The following CBLB variants were observed in gnomAD, a reference collection of about 807,000 sequenced individuals.
The protein encoded by CBLB is E3 ubiquitin-protein ligase CBL-B.
Under a neutral mutation model 104.9 loss-of-function variants are expected in CBLB, and 31 were observed. The observed-to-expected ratio is 0.30, with a 90% CI of 0.22 to 0.40. The LOEUF is 0.40. CBLB is among the 10% of genes least tolerant of loss of function. CBLB has a pLI of 1.00. For synonymous variants in CBLB, 440 were observed against 422.6 expected (o/e 1.04, Z -0.51); for missense variants, 1,062 against 1,214.6 (o/e 0.87, Z 1.87).
intron 10 of CBLB, among the ~76,000 whole-genome samples, chr3:105,716,506 A>G (rs1048931519): frequency 2.6e-5 from 4 of 152,206 alleles, no homozygotes; most frequent in African/African-American, 7.2e-5. Context: ...ACATAACATC[A>G]TAGCAATATT....
intron 3 of CBLB, among the ~76,000 whole-genome samples, chr3:105,816,214 A>G (rs936805384): frequency 6.6e-6 from 1 of 152,194 alleles, no homozygotes; most frequent in African/African-American, 2.4e-5. Flanking sequence ...TAAAAAAGAA[A>G]AAAAAAATTG....
chr3:105,725,233 C>T (rs12493560), intron 9 of CBLB, among the ~76,000 whole-genome samples: 33,318 of 152,046 alleles, frequency 0.22, 3,764 homozygotes, highest in Admixed American at 0.26. Context: ...TTTCTGAGGA[C>T]ACGTTTTTAC....
At chr3:105,819,266 C>A (rs1208232888) in intron 3 of CBLB, among the ~76,000 whole-genome samples, 2 of 152,112 alleles carry the variant, frequency 1.3e-5, no homozygotes, top group African/African-American at 4.8e-5. Flanking sequence ...GGGGGTGGAT[C>A]CCCTGAGGCA....
intron 3 of CBLB, among the ~76,000 whole-genome samples, chr3:105,779,689 AAAG>A (rs898270193): frequency 2.0e-5 from 3 of 152,024 alleles, no homozygotes; most frequent in Non-Finnish European, 4.4e-5. Flanking sequence ...AGGAAAAAAA[AAAG>A]AGAAAGAGAA....
At chr3:105,866,611 C>A (rs1298871322) in intron 2 of CBLB, among the ~76,000 whole-genome samples, 2 of 152,164 alleles carry the variant, frequency 1.3e-5, no homozygotes, top group African/African-American at 4.8e-5. Context: ...ATTTTATAAT[C>A]ATACTTAGTA....
intron 18 of CBLB, among the ~76,000 whole-genome samples, chr3:105,665,456 CAT>C (rs1451444671): frequency 2.3e-5 from 3 of 127,930 alleles, no homozygotes; most frequent in Non-Finnish European, 3.4e-5. Context: ...CACACACACA[CAT>C]ATATATACAC....
In CBLB at chr3:105,695,104, T is replaced by C. The variant is rs139285751; in HGVS notation, c.1960-1516A>G. Among the ~76,000 whole-genome samples, 197 of 151,974 alleles carry C rather than the reference T, an allele frequency of 1.3e-3. 2 individuals carry two copies. The highest frequency in any genetic ancestry group is 4.5e-3 in the African/African-American group (186 of 41,558). On this transcript the variant is annotated intron_variant, in intron 12 of 18. Coordinates refer to ENST00000394030, the MANE Select transcript of CBLB (RefSeq NM_170662.5). ...TAGACACAATGTAAGATATCTGCAATCAAATTTCCTTAATTCATATTACAA... is the reference window on the plus strand; with the variant it reads ...TAGACACAATGTAAGATATCTGCAACCAAATTTCCTTAATTCATATTACAA...
chr3:105,772,626 G>A (rs968474605), intron 4 of CBLB, among the ~76,000 whole-genome samples: 9 of 152,210 alleles, frequency 5.9e-5, no homozygotes, highest in South Asian at 2.1e-4. Flanking sequence ...TTCTGACAAC[G>A]GACTAGTATC....
At chr3:105,766,272 C>T (rs1179764758) in intron 4 of CBLB, among the ~76,000 whole-genome samples, 2 of 152,146 alleles carry the variant, frequency 1.3e-5, no homozygotes, top group African/African-American at 4.8e-5. Flanking sequence ...ATGTAATTTA[C>T]TCCAGGTGAA....
rs777612926 is a variant in CBLB, at chr3:105,734,005, A to G, written c.1203+4T>C. ...AAAGACATCCATGTTGCTAATGATT[A>G]TACCTGCCATGCCGTAAGGCAAGAG... On this transcript the variant is annotated splice_donor_region_variant and intron_variant, in intron 9 of 18. Coordinates refer to ENST00000394030, the MANE Select transcript of CBLB (RefSeq NM_170662.5). 1.2e-6 allele frequency: 2 copies of G among 1,613,548 alleles called. No individual in the cohort carries two copies.
intron 10 of CBLB, among the ~76,000 whole-genome samples, chr3:105,719,046 T>A (rs574120650): frequency 6.6e-6 from 1 of 152,320 alleles, no homozygotes; most frequent in South Asian, 2.1e-4. Flanking sequence ...CAAGGTCAAT[T>A]TTTGTGAGTC....
intron 3 of CBLB, among the ~76,000 whole-genome samples, chr3:105,822,373 AT>A (rs1166932552): frequency 4.6e-5 from 7 of 152,248 alleles, no homozygotes; most frequent in Non-Finnish European, 2.9e-5. Flanking sequence ...CAGGATGAGC[AT>A]TCTAACAGGC....
intron 3 of CBLB, among the ~76,000 whole-genome samples, chr3:105,801,242 G>T (rs905232413): frequency 6.6e-6 from 1 of 151,932 alleles, no homozygotes; most frequent in African/African-American, 2.4e-5. Context: ...ACAGATAAAT[G>T]GTCTATAACT....
intron 17 of CBLB, among the ~76,000 whole-genome samples, chr3:105,677,195 G>C (rs2065749374): frequency 6.6e-6 from 1 of 152,098 alleles, no homozygotes; most frequent in Non-Finnish European, 1.5e-5. Flanking sequence ...GGTAAACAGT[G>C]AATGGCTCAA....
rs960242617 is a variant in CBLB, at chr3:105,771,543, T to TA, written c.566+4852dup. Among the ~76,000 whole-genome samples the TA allele has an allele frequency of 3.4e-5, 5 of 148,956 alleles. No homozygotes were observed. The South Asian group carries it at 6.4e-4, about 19-fold the overall frequency. On this transcript the variant is annotated intron_variant, in intron 4 of 18. Transcript: ENST00000394030. The stretch of plus-strand genomic sequence containing the variant: ...GGAAGTCACAGCCAGAGCAATCCAA[T>TA]AAAAAAAAAGAAAGAAGAAGCATCC...
intron 7 of CBLB, among the ~76,000 whole-genome samples, chr3:105,738,935 G>A (rs958146368): frequency 6.6e-6 from 1 of 152,098 alleles, no homozygotes; most frequent in African/African-American, 2.4e-5. Flanking sequence ...TTTCAGATAA[G>A]GTCTCACTCT....
chr3:105,854,568 G>T (rs1472808962), intron 2 of CBLB, among the ~76,000 whole-genome samples: 1 of 151,408 alleles, frequency 6.6e-6, no homozygotes, highest in African/African-American at 2.4e-5. Flanking sequence ...AAAGATACAT[G>T]GCTCTCTTCT....
intron 4 of CBLB, among the ~76,000 whole-genome samples, chr3:105,751,848 A>G (rs1018539762): frequency 1.3e-5 from 2 of 152,208 alleles, no homozygotes; most frequent in African/African-American, 2.4e-5. Flanking sequence ...ATTTTCTCTC[A>G]AACAGTCCTA....
At chr3:105,732,954 T>G (rs567992275) in intron 9 of CBLB, among the ~76,000 whole-genome samples, 1 of 152,290 alleles carries the variant, frequency 6.6e-6, no homozygotes, top group African/African-American at 2.4e-5. Context: ...TATAACTATG[T>G]CAAACAGTTT....
Sources: allele counts gnomAD v4.1 joint callset (sites outside exome capture counted in the v4.1 genomes callset), GRCh38; gene constraint gnomAD v4.1.1; transcripts MANE v1.5; gene names NCBI Gene and HGNC (gene_info 2026-07-23, HGNC 2026-07-21).